The following MSRA variants were observed in gnomAD, a reference collection of about 807,000 sequenced individuals.
MSRA encodes mitochondrial peptide methionine sulfoxide reductase.
In MSRA, 54 loss-of-function variants were observed where a neutral mutation model predicts 31.3. The ratio of observed to expected loss-of-function variants is 1.73; its 90% CI spans 1.39 to 2.17. The LOEUF (loss-of-function observed/expected upper bound fraction) is 2.17. MSRA is among the 30% of genes most tolerant of loss of function. The pLI, the probability that MSRA is intolerant of heterozygous loss-of-function variation, is 0.00. For missense variants in MSRA, 507 were observed against 300.9 expected, an observed-to-expected ratio of 1.69 and a Z score of -5.07; for synonymous variants, 169 against 116.5, an observed-to-expected ratio of 1.45 and a Z score of -2.90.
intron 1 of MSRA, among the ~76,000 whole-genome samples, chr8:10,129,735 G>C (rs953086651): frequency 6.6e-6 from 1 of 152,144 alleles, no homozygotes. Flanking sequence ...AAAGATACCA[G>C]TTATTAGGAA....
At chr8:10,211,625 C>G (rs1809505974) in intron 2 of MSRA, among the ~76,000 whole-genome samples, 1 of 152,126 alleles carries the variant, frequency 6.6e-6, no homozygotes, top group South Asian at 2.1e-4. Flanking sequence ...AGCGCCCGCC[C>G]TGTGTAGTGG....
intron 5 of MSRA, among the ~76,000 whole-genome samples, chr8:10,398,372 G>A (rs1162416148): frequency 6.6e-6 from 1 of 152,186 alleles, no homozygotes; most frequent in African/African-American, 2.4e-5. Context: ...GGTCAGGGTG[G>A]CTCCTCTGGT....
At chr8:10,362,226 C>A (rs987980918) in intron 5 of MSRA, among the ~76,000 whole-genome samples, 1 of 152,104 alleles carries the variant, frequency 6.6e-6, no homozygotes. Context: ...ATGCCTAGTG[C>A]CTGCCCCAGT....
intron 1 of MSRA, among the ~76,000 whole-genome samples, chr8:10,188,122 A>G (rs191196296): frequency 6.6e-6 from 1 of 152,386 alleles, no homozygotes; most frequent in African/African-American, 2.4e-5. Context: ...CATAGTTCCA[A>G]TGTGCCTTTA....
At chr8:10,279,160 C>G (rs938437323) in intron 3 of MSRA, among the ~76,000 whole-genome samples, 1 of 152,140 alleles carries the variant, frequency 6.6e-6, no homozygotes, top group Admixed American at 6.5e-5. Flanking sequence ...GCCTCTGTCT[C>G]TTCATTAGTA....
chr8:10,424,056 G>T (rs916231697), intron 5 of MSRA, among the ~76,000 whole-genome samples: 1 of 152,240 alleles, frequency 6.6e-6, no homozygotes, highest in African/African-American at 2.4e-5. Context: ...GTCGGGCATT[G>T]CGATGCCACG....
At chr8:10,336,402 C>A (rs1258712548) in intron 5 of MSRA, among the ~76,000 whole-genome samples, 1 of 151,694 alleles carries the variant, frequency 6.6e-6, no homozygotes, top group African/African-American at 2.4e-5. Flanking sequence ...GAGCCTAACA[C>A]CCAAGCACAT....
At chr8:10,099,758 C>T (rs114605117) in intron 1 of MSRA, among the ~76,000 whole-genome samples, 199 of 152,266 alleles carry the variant, frequency 1.3e-3, no homozygotes, top group East Asian at 8.5e-3. Flanking sequence ...GGCTCTCTTG[C>T]GGTGGCCATT....
At chr8:10,082,238 A>G (rs1798330938) in intron 1 of MSRA, among the ~76,000 whole-genome samples, 2 of 152,162 alleles carry the variant, frequency 1.3e-5, no homozygotes, top group South Asian at 4.1e-4. Flanking sequence ...ACGAAACAAA[A>G]CAAACCCTAC....
intron 3 of MSRA, among the ~76,000 whole-genome samples, chr8:10,292,053 C>A (rs1563316906): frequency 6.6e-6 from 1 of 152,204 alleles, no homozygotes; most frequent in African/African-American, 2.4e-5. Context: ...CTGGCCCATA[C>A]AGTAAAGTAT....
chr8:10,390,079 A>C (rs1391819970), intron 5 of MSRA, among the ~76,000 whole-genome samples: 1 of 152,076 alleles, frequency 6.6e-6, no homozygotes, highest in Non-Finnish European at 1.5e-5. Context: ...CAGGTGCAGC[A>C]CTGTTGCCAC....
chr8:10,250,487 T>C, intron 3 of MSRA: 1 of 702,318 alleles, frequency 1.4e-6, no homozygotes, highest in Non-Finnish European at 2.6e-6. Context: ...CACAGCCAAG[T>C]GGCACTGAAT....
At chr8:10,187,480 A>G (rs1807150551) in intron 1 of MSRA, among the ~76,000 whole-genome samples, 1 of 152,200 alleles carries the variant, frequency 6.6e-6, no homozygotes, top group East Asian at 1.9e-4. Context: ...CAGCTAGAGT[A>G]CTGTGCAGGT....
intron 2 of MSRA, among the ~76,000 whole-genome samples, chr8:10,241,056 G>T (rs1483965322): frequency 2.0e-5 from 3 of 152,098 alleles, no homozygotes; most frequent in East Asian, 1.9e-4. Flanking sequence ...TGTGGCTGTA[G>T]CCCCTTGACC....
At chr8:10,161,822 C>A (rs79980628) in intron 1 of MSRA, among the ~76,000 whole-genome samples, 1 of 150,142 alleles carries the variant, frequency 6.7e-6, no homozygotes, top group South Asian at 2.1e-4. Flanking sequence ...TTCGTGAATC[C>A]CGCCCCGCCC....
intron 1 of MSRA, among the ~76,000 whole-genome samples, chr8:10,177,835 A>G (rs575300716): frequency 4.6e-5 from 7 of 152,352 alleles, no homozygotes; most frequent in Non-Finnish European, 8.8e-5. Flanking sequence ...TTACCTGCAA[A>G]ACATTTGTTT....
At chr8:10,122,087 A>G (rs1801159743) in intron 1 of MSRA, among the ~76,000 whole-genome samples, 1 of 152,084 alleles carries the variant, frequency 6.6e-6, no homozygotes, top group South Asian at 2.1e-4. Flanking sequence ...GGCACCACAT[A>G]TCTGTCCTGT....
At position 10,261,716 on chromosome 8, in the gene MSRA, A is replaced by G. The variant is rs143776070; in HGVS notation, c.331+16493A>G. Among the ~76,000 whole-genome samples the G allele has an allele frequency of 3.5e-3, 527 of 152,336 alleles. 4 individuals carry two copies. Among genetic ancestry groups the G allele is most frequent in the Non-Finnish European group, 6.1e-3 (414 of 68,040 alleles). On this transcript the variant is annotated intron_variant, in intron 3 of 5. Coordinates refer to ENST00000317173, the MANE Select transcript of MSRA (RefSeq NM_012331.5). Reference sequence around the variant, plus strand: ...GATGGGCCAATACTGATATGTTATTATTAACTAAAGTCCATAGTTTACATT... The same window carrying G: ...GATGGGCCAATACTGATATGTTATTGTTAACTAAAGTCCATAGTTTACATT...
chr8:10,404,602 A>G (rs1168973390), intron 5 of MSRA, among the ~76,000 whole-genome samples: 10 of 152,208 alleles, frequency 6.6e-5, no homozygotes, highest in Non-Finnish European at 1.3e-4. Flanking sequence ...CGGGCTCTCC[A>G]TGGCAGATGG....
Sources: gnomAD v4.1 joint callset for allele counts (sites outside exome capture counted in the v4.1 genomes callset) on GRCh38, gnomAD v4.1.1 for gene constraint, MANE v1.5 for transcripts, NCBI Gene and HGNC (gene_info 2026-07-23, HGNC 2026-07-21) for gene names.